WSB1: variants seen among roughly 807,000 people sequenced by gnomAD.
WSB1 encodes WD repeat and SOCS box-containing protein 1.
In WSB1, 23 loss-of-function variants were observed where a neutral mutation model predicts 50.2. That is an observed-to-expected ratio of 0.46 (90% CI 0.33 to 0.65). WSB1 has a LOEUF of 0.65. WSB1 is among the 30% of genes least tolerant of loss of function. The pLI is 0.02. For missense variants in WSB1, 492 were observed against 522.3 expected, an observed-to-expected ratio of 0.94 and a Z score of 0.56; for synonymous variants, 179 against 172.0, an observed-to-expected ratio of 1.04 and a Z score of -0.32.
chr17:27,302,242 C>G (rs1385386424), intron 2 of WSB1, among the ~76,000 whole-genome samples: 1 of 151,952 alleles, frequency 6.6e-6, no homozygotes, highest in Non-Finnish European at 1.5e-5. Context: ...GAAACCCCAT[C>G]TCTACTGAAA....
At position 27,303,648 on chromosome 17, in the gene WSB1, A is replaced by T. The variant is rs1368105860; in HGVS notation, c.478+13A>T. On this transcript the variant is annotated intron_variant, in intron 3 of 8. Transcript: ENST00000262394. ...GATGTATATACAGGTATGGATTCATAGTTTTTAAAGCAAATGTATTATTTT... is the reference window on the plus strand; with the variant it reads ...GATGTATATACAGGTATGGATTCATTGTTTTTAAAGCAAATGTATTATTTT... 3 of 1,608,418 alleles carry T rather than the reference A, an allele frequency of 1.9e-6. No individual in the cohort carries two copies. The Admixed American group carries it at 5.0e-5, about 27-fold the overall frequency.
chr17:27,295,704 A>C (rs1377100955), intron 1 of WSB1, among the ~76,000 whole-genome samples: 1 of 152,238 alleles, frequency 6.6e-6, no homozygotes, highest in Non-Finnish European at 1.5e-5. Context: ...AAAAGTTCTT[A>C]TCAGTCCAGT....
At chr17:27,308,048 G>A in intron 5 of WSB1, 1 of 1,192,834 alleles carries the variant, frequency 8.4e-7, no homozygotes. Flanking sequence ...TTGGGAGTCT[G>A]ACAAGTGAAA....
chr17:27,302,362 G>C (rs1409336260), intron 2 of WSB1: 2 of 142,934 alleles, frequency 1.4e-5, no homozygotes, highest in African/African-American at 5.3e-5. Context: ...AGTGAGTCGA[G>C]ATAGCACCAC....
At chr17:27,295,741 A>G (rs1171092164) in intron 1 of WSB1, among the ~76,000 whole-genome samples, 1 of 152,162 alleles carries the variant, frequency 6.6e-6, no homozygotes, top group Non-Finnish European at 1.5e-5. Context: ...TTAGTACACC[A>G]TAATGTTATA....
intron 5 of WSB1, 42 bp downstream of exon 5, chr17:27,306,924 A>T: frequency 6.4e-7 from 1 of 1,573,978 alleles, no homozygotes; most frequent in Non-Finnish European, 8.7e-7. Flanking sequence ...GAATTGGATT[A>T]TGATAATGTG....
In WSB1 at chr17:27,294,119, C is replaced by G; in HGVS notation, c.-277C>G. On this transcript the variant is annotated 5_prime_UTR_variant, in exon 1 of 9. Coordinates refer to ENST00000262394, the MANE Select transcript of WSB1 (RefSeq NM_015626.10). The stretch of plus-strand genomic sequence containing the variant: ...CCGCCCGCCATTTTGACTCCAGTGT[C>G]TCGTTTGCAGTCGGCGCTTTAGGGG... 1 of 285,870 alleles carries G rather than the reference C, an allele frequency of 3.5e-6. No individual in the cohort carries two copies. Among genetic ancestry groups the G allele is most frequent in the Non-Finnish European group, 6.6e-6 (1 of 152,640 alleles). The allele number at this position is 285,870 out of a possible 1,614,324, so 17.7% of individuals were successfully genotyped here.
chr17:27,301,739 T>G, intron 1 of WSB1, 49 bp from the exon 2 acceptor site: 1 of 1,576,124 alleles, frequency 6.3e-7, no homozygotes, highest in Non-Finnish European at 8.7e-7. Context: ...CAGTCTCACA[T>G]GTATTGTTGG....
chr17:27,311,631 CTCTTTTTTTTTTTT>C lies in WSB1; in HGVS notation c.1106+17_1106+30del. 1.9e-6 allele frequency: 1 copy of C among 537,248 alleles called. No homozygotes were observed. Among genetic ancestry groups the C allele is most frequent in the East Asian group, 4.2e-5 (1 of 23,836 alleles). The allele number at this position is 537,248 out of a possible 1,614,324, so 33.3% of individuals were successfully genotyped here. A position where few individuals can be genotyped will look rare whatever the true frequency, so the allele number is the denominator to read the frequency against. ...TTAGCTGCTGGGTAAATATATTTTT[CTCTTTTTTTTTTTT>C]TTTTTTTTTTTTTTGAGATGTAGTC... On this transcript the variant is annotated intron_variant, in intron 8 of 8. Transcript: ENST00000262394.
intron 1 of WSB1, among the ~76,000 whole-genome samples, chr17:27,298,662 C>T (rs1344228485): frequency 6.6e-6 from 1 of 151,892 alleles, no homozygotes; most frequent in Non-Finnish European, 1.5e-5. Flanking sequence ...ACCAGCCTGG[C>T]CAACATGGTG....
chr17:27,298,987 C>T (rs897512427), intron 1 of WSB1, among the ~76,000 whole-genome samples: 2 of 151,482 alleles, frequency 1.3e-5, no homozygotes, highest in Admixed American at 6.6e-5. Context: ...TTTAAGCCTA[C>T]GAGTTTGCCT....
At chr17:27,298,126 GAAAA>G (rs35222722) in intron 1 of WSB1, among the ~76,000 whole-genome samples, 8 of 74,200 alleles carry the variant, frequency 1.1e-4, no homozygotes, top group African/African-American at 3.4e-4. Context: ...CTCCGTCTCA[GAAAA>G]AAAAAAAAAA....
rs771118206 is a variant in WSB1 at position 27,312,248 on chromosome 17, G to A, written c.1145G>A (p.Arg382Gln). The change falls in exon 9 of 9, where the codon CGG (arginine) becomes CAG (glutamine). Residue 382 changes from arginine (R) to glutamine (Q), a missense_variant. Arg to Gln is a conservative substitution (Grantham distance 43). Transcript: ENST00000262394. ...DGSVYFWATP[R>Q]QVPSLQHLCR... Reference sequence around the variant, plus strand: ...AGTGTGTATTTTTGGGCCACTCCACGGCAGGTCCCTAGCCTGCAACATTTA... The same window carrying A: ...AGTGTGTATTTTTGGGCCACTCCACAGCAGGTCCCTAGCCTGCAACATTTA... 1.2e-5 allele frequency: 19 copies of A among 1,613,698 alleles called. No homozygotes were observed. The highest frequency in any genetic ancestry group is 4.5e-5 in the East Asian group (2 of 44,890).
At chr17:27,294,855 C>G (rs1276582891) in intron 1 of WSB1, among the ~76,000 whole-genome samples, 3 of 152,202 alleles carry the variant, frequency 2.0e-5, no homozygotes, top group Non-Finnish European at 4.4e-5. Context: ...TGTGTACCAA[C>G]CACTCTTAGA....
In WSB1 at chr17:27,303,550, G is replaced by T; in HGVS notation, c.393G>T (p.Trp131Cys). The change falls in exon 3 of 9, where the codon TGG (tryptophan) becomes TGT (cysteine). Residue 131 changes from tryptophan to cysteine, a missense_variant. Physicochemically the swap from Trp to Cys is radical, Grantham distance 215. Transcript: ENST00000262394. The stretch of plus-strand genomic sequence containing the variant: ...AGAGTCGCTGTGTAAATATAGAATG[G>T]CATCGCTTCAGATTTGGACAAGATC... ...EKQSRCVNIE[W>C]HRFRFGQDQL... is the part of the protein sequence containing the mutation. The T allele has an allele frequency of 6.2e-7, 1 of 1,614,130 alleles. No homozygotes were observed. The highest frequency in any genetic ancestry group is 8.5e-7 in the Non-Finnish European group (1 of 1,180,018).
In WSB1 at chr17:27,310,101, G is replaced by A; in HGVS notation, c.925G>A (p.Ala309Thr). Residue 309 changes from alanine (A) to threonine (T), a missense_variant, in exon 7 of 9, where the codon GCA (alanine) becomes ACA (threonine). Ala to Thr is a moderately conservative substitution (Grantham distance 58). Transcript: ENST00000262394. ...ACCTACTCCAATATTTGCTGGAGGA[G>A]CAAATGACCGGTGGGTACGATCTGT... ...PPPTPIFAGG[A>T]NDRWVRSVSF... The A allele has an allele frequency of 6.2e-7, 1 of 1,614,130 alleles. No individual in the cohort carries two copies. Among genetic ancestry groups the A allele is most frequent in the East Asian group, 2.2e-5 (1 of 44,880 alleles).
At chr17:27,306,921 A>T in intron 5 of WSB1, 39 bp downstream of exon 5, 1 of 1,576,294 alleles carries the variant, frequency 6.3e-7, no homozygotes. Context: ...TATGAATTGG[A>T]TTATGATAAT....
At chr17:27,298,246 C>A (rs1172467514) in intron 1 of WSB1, among the ~76,000 whole-genome samples, 1 of 151,682 alleles carries the variant, frequency 6.6e-6, no homozygotes, top group Non-Finnish European at 1.5e-5. Context: ...AATGCAAGGG[C>A]TGTTCCTCGT....
intron 1 of WSB1, among the ~76,000 whole-genome samples, chr17:27,294,722 G>C (rs1019046791): frequency 2.0e-5 from 3 of 152,220 alleles, no homozygotes; most frequent in African/African-American, 7.2e-5. Context: ...CTTGTCCTGG[G>C]AGTTCTTGGC....
Sources: gnomAD v4.1 joint callset for allele counts (sites outside exome capture counted in the v4.1 genomes callset) on GRCh38, gnomAD v4.1.1 for gene constraint, MANE v1.5 for transcripts, NCBI Gene and HGNC (gene_info 2026-07-23, HGNC 2026-07-21) for gene names.